Variants in ROR1 observed in about 807,000 individuals in gnomAD.
ROR1 encodes inactive tyrosine-protein kinase transmembrane receptor ROR1.
Under a neutral mutation model 78.8 loss-of-function variants are expected in ROR1, and 19 were observed. That is an observed-to-expected ratio of 0.24 (90% CI 0.17 to 0.35). The LOEUF (loss-of-function observed/expected upper bound fraction) is 0.35. ROR1 is among the 10% of genes least tolerant of loss of function. The pLI, the probability that ROR1 is intolerant of heterozygous loss-of-function variation, is 1.00. For synonymous variants in ROR1, 386 were observed against 433.6 expected (o/e 0.89, Z 1.36); for missense variants, 917 against 1,177.8 (o/e 0.78, Z 3.24).
At chr1:63,827,834 T>C (rs1644965051) in intron 1 of ROR1, among the ~76,000 whole-genome samples, 1 of 152,152 alleles carries the variant, frequency 6.6e-6, no homozygotes, top group African/African-American at 2.4e-5. Flanking sequence ...TTCCAGGTTT[T>C]CCTAGAGTAC....
intron 1 of ROR1, among the ~76,000 whole-genome samples, chr1:63,844,880 A>G (rs968176953): frequency 2.0e-5 from 3 of 152,182 alleles, no homozygotes; most frequent in African/African-American, 7.2e-5. Flanking sequence ...GAATACAATG[A>G]ATTCTCTATT....
chr1:64,041,568 C>G (rs991205344), intron 2 of ROR1, among the ~76,000 whole-genome samples: 2 of 152,102 alleles, frequency 1.3e-5, no homozygotes, highest in African/African-American at 4.8e-5. Context: ...CCCCATTAAC[C>G]CTGATTTATA....
At chr1:64,114,014 G>A (rs1471769087) in intron 4 of ROR1, among the ~76,000 whole-genome samples, 4 of 152,114 alleles carry the variant, frequency 2.6e-5, no homozygotes, top group Non-Finnish European at 5.9e-5. Flanking sequence ...CATGACTCCT[G>A]GCATGGGAAC....
At chr1:63,830,997 C>A (rs1177683477) in intron 1 of ROR1, among the ~76,000 whole-genome samples, 3 of 152,218 alleles carry the variant, frequency 2.0e-5, no homozygotes, top group Non-Finnish European at 4.4e-5. Context: ...TCTTAAAGCT[C>A]CAAAATAATC....
intron 4 of ROR1, among the ~76,000 whole-genome samples, chr1:64,133,655 C>T (rs529474926): frequency 2.0e-5 from 3 of 152,322 alleles, no homozygotes; most frequent in Admixed American, 6.5e-5. Context: ...GAGGCAGCGG[C>T]GCACGCTGGT....
At chr1:63,991,190 A>G (rs971031940) in intron 1 of ROR1, among the ~76,000 whole-genome samples, 5 of 152,038 alleles carry the variant, frequency 3.3e-5, no homozygotes, top group Admixed American at 1.3e-4. Flanking sequence ...GCCCCAAAAG[A>G]TCCTTCTGAC....
At chr1:63,843,995 A>G (rs1037505784) in intron 1 of ROR1, among the ~76,000 whole-genome samples, 1 of 152,100 alleles carries the variant, frequency 6.6e-6, no homozygotes, top group Non-Finnish European at 1.5e-5. Context: ...GCATGACACC[A>G]AAGGGATTTT....
At chr1:63,888,482 G>A (rs1165588958) in intron 1 of ROR1, among the ~76,000 whole-genome samples, 2 of 151,974 alleles carry the variant, frequency 1.3e-5, no homozygotes, top group Admixed American at 6.6e-5. Flanking sequence ...AAATTAGCTG[G>A]GCATGGTGCA....
At chr1:64,024,757 C>A (rs1446268035) in intron 2 of ROR1, among the ~76,000 whole-genome samples, 1 of 152,138 alleles carries the variant, frequency 6.6e-6, no homozygotes, top group Non-Finnish European at 1.5e-5. Flanking sequence ...CTACTACTTA[C>A]CTTCACTCAA....
intron 1 of ROR1, among the ~76,000 whole-genome samples, chr1:63,854,286 A>T (rs1417115970): frequency 6.6e-6 from 1 of 152,182 alleles, no homozygotes; most frequent in African/African-American, 2.4e-5. Context: ...TCTAAATCTT[A>T]GCACCACTTA....
intron 4 of ROR1, among the ~76,000 whole-genome samples, chr1:64,052,187 T>G (rs1646838660): frequency 7.1e-6 from 1 of 139,876 alleles, no homozygotes; most frequent in Admixed American, 6.9e-5. Context: ...CTAATCTGCT[T>G]TTTTTTTTTT....
intron 8 of ROR1, among the ~76,000 whole-genome samples, chr1:64,167,458 C>T (rs1007924391): frequency 3.3e-5 from 5 of 152,222 alleles, no homozygotes; most frequent in African/African-American, 7.2e-5. Context: ...CCCTCTAGAA[C>T]TTGATTGCAT....
At chr1:64,113,984 A>G (rs1024898438) in intron 4 of ROR1, among the ~76,000 whole-genome samples, 4 of 152,150 alleles carry the variant, frequency 2.6e-5, no homozygotes, top group Non-Finnish European at 5.9e-5. Context: ...GATTAAAAGG[A>G]TAAATTTTAA....
intron 1 of ROR1, among the ~76,000 whole-genome samples, chr1:63,831,433 C>T (rs1396890937): frequency 6.6e-6 from 1 of 152,238 alleles, no homozygotes; most frequent in Non-Finnish European, 1.5e-5. Flanking sequence ...TGTGCACTCG[C>T]AGGCCCAACA....
intron 1 of ROR1, among the ~76,000 whole-genome samples, chr1:63,959,845 G>A (rs1646013832): frequency 6.6e-6 from 1 of 152,058 alleles, no homozygotes. Flanking sequence ...CCTTCAATAA[G>A]TCCAGACACT....
chr1:63,875,367 A>G (rs1645278733), intron 1 of ROR1, among the ~76,000 whole-genome samples: 2 of 152,152 alleles, frequency 1.3e-5, no homozygotes, highest in Non-Finnish European at 2.9e-5. Flanking sequence ...TTAGAATTAG[A>G]CAGGGCTATG....
At chr1:64,046,040 A>G (rs1288597427) in intron 2 of ROR1, among the ~76,000 whole-genome samples, 2 of 152,198 alleles carry the variant, frequency 1.3e-5, no homozygotes, top group African/African-American at 2.4e-5. Context: ...TAAAAGCCAG[A>G]TTGCTTTGTC....
At chr1:64,160,909 G>A (rs1649921691) in intron 8 of ROR1, among the ~76,000 whole-genome samples, 1 of 152,204 alleles carries the variant, frequency 6.6e-6, no homozygotes, top group Non-Finnish European at 1.5e-5. Context: ...CTGGAAAGAT[G>A]TACTCCTCAT....
At chr1:63,825,939 G>T (rs528258414) in intron 1 of ROR1, among the ~76,000 whole-genome samples, 7 of 152,216 alleles carry the variant, frequency 4.6e-5, no homozygotes, top group African/African-American at 1.7e-4. Flanking sequence ...GTGGACCTCA[G>T]TTCCCTCATC....
Sources: gnomAD v4.1 joint callset for allele counts (sites outside exome capture counted in the v4.1 genomes callset) on GRCh38, gnomAD v4.1.1 for gene constraint, MANE v1.5 for transcripts, NCBI Gene and HGNC (gene_info 2026-07-23, HGNC 2026-07-21) for gene names.